PRIM2: variants seen among roughly 807,000 people sequenced by gnomAD.
PRIM2 encodes DNA primase large subunit.
A neutral mutation model predicts 67.3 loss-of-function variants in PRIM2; 39 were observed. That is an observed-to-expected ratio of 0.58 (90% confidence interval 0.45 to 0.76). The LOEUF is 0.76. Among genes scored for constraint, PRIM2 ranks in the 30% least tolerant of loss-of-function variants. PRIM2 has a pLI of 0.00. For missense variants in PRIM2, 398 were observed against 598.7 expected (o/e 0.66, Z 3.50); for synonymous variants, 143 against 198.7 (o/e 0.72, Z 2.36).
chr6:57,444,960 A>G (rs1326471055), intron 7 of PRIM2, among the ~76,000 whole-genome samples: 2 of 151,978 alleles, frequency 1.3e-5, no homozygotes, highest in Non-Finnish European at 2.9e-5. Context: ...GTATCTTTCT[A>G]GCATTAAGAA....
chr6:57,456,705 G>GT (rs1300403343), intron 7 of PRIM2, among the ~76,000 whole-genome samples: 1 of 151,796 alleles, frequency 6.6e-6, no homozygotes, highest in East Asian at 1.9e-4. Flanking sequence ...TTTTTTCAAG[G>GT]TTTTTAACTT....
intron 7 of PRIM2, chr6:57,382,407 A>C (rs1364438285): frequency 5.9e-6 from 2 of 337,934 alleles, no homozygotes; most frequent in Non-Finnish European, 1.1e-5. Flanking sequence ...TGAGTGATTA[A>C]TTTTGTGAGT....
At chr6:57,417,625 A>G (rs1351390059) in intron 7 of PRIM2, among the ~76,000 whole-genome samples, 1 of 152,240 alleles carries the variant, frequency 6.6e-6, no homozygotes, top group Non-Finnish European at 1.5e-5. Context: ...AGCTCATCTT[A>G]TAGGGGCATA....
rs1460725216 is a variant in PRIM2, at chr6:57,606,461, G to A, written c.1230+4G>A. The A allele has an allele frequency of 4.5e-6, 7 of 1,570,482 alleles. No individual in the cohort carries two copies. The highest frequency in any genetic ancestry group is 5.2e-6 in the Non-Finnish European group (6 of 1,147,232). ...CTCTCCTGGAGGGATAAGCCAGGTAGGTCATATTCTTCTCTCTGCATCTGC... is the reference window on the plus strand; with the variant it reads ...CTCTCCTGGAGGGATAAGCCAGGTAAGTCATATTCTTCTCTCTGCATCTGC... On this transcript the variant is annotated splice_donor_region_variant and intron_variant, in intron 12 of 13. Transcript: ENST00000615550.
chr6:57,435,727 A>G (rs757502251), intron 7 of PRIM2, among the ~76,000 whole-genome samples: 9 of 152,142 alleles, frequency 5.9e-5, no homozygotes, highest in Non-Finnish European at 1.3e-4. Flanking sequence ...GAGGCCATCT[A>G]TTGTCAAAGA....
At chr6:57,584,530 A>G (rs1455274422) in intron 10 of PRIM2, among the ~76,000 whole-genome samples, 6 of 152,198 alleles carry the variant, frequency 3.9e-5, no homozygotes, top group African/African-American at 1.4e-4. Context: ...ACCTTGCCCC[A>G]TGGGAAATTT....
intron 3 of PRIM2, among the ~76,000 whole-genome samples, chr6:57,320,926 A>T (rs907629472): frequency 5.3e-5 from 8 of 152,196 alleles, no homozygotes; most frequent in African/African-American, 1.9e-4. Context: ...ATGCTCCAGG[A>T]ACTCCAAAAA....
At chr6:57,474,164 T>A in intron 7 of PRIM2, among the ~76,000 whole-genome samples, 1 of 146,780 alleles carries the variant, frequency 6.8e-6, no homozygotes, top group East Asian at 2.0e-4. Flanking sequence ...TTTTCTGCAA[T>A]TCTGCTATCT....
intron 8 of PRIM2, among the ~76,000 whole-genome samples, chr6:57,507,998 GC>G (rs2127459857): frequency 6.6e-6 from 1 of 152,244 alleles, no homozygotes; most frequent in Admixed American, 6.5e-5. Flanking sequence ...GTGCAGTGGT[GC>G]GATCTCCGCT....
chr6:57,536,421 G>C (rs1388762434), intron 9 of PRIM2, among the ~76,000 whole-genome samples: 6 of 152,206 alleles, frequency 3.9e-5, no homozygotes, highest in Non-Finnish European at 7.3e-5. Flanking sequence ...CTTATGAGAA[G>C]TTTCTCTTAT....
intron 8 of PRIM2, among the ~76,000 whole-genome samples, chr6:57,509,962 A>G (rs1288202679): frequency 6.6e-6 from 1 of 151,634 alleles, no homozygotes; most frequent in Non-Finnish European, 1.5e-5. Context: ...CCACTTTTAT[A>G]ACAACTTTTG....
rs1301372797 is a variant in PRIM2 at position 57,567,948 on chromosome 6, T to C, written c.1020+30323T>C. Among the ~76,000 whole-genome samples, 11 of 152,336 alleles carry C rather than the reference T, an allele frequency of 7.2e-5. No individual in the cohort carries two copies. In the East Asian group the frequency reaches 1.7e-3, roughly 24 times the overall value. On this transcript the variant is annotated intron_variant, in intron 10 of 13. Coordinates refer to ENST00000615550, the MANE Select transcript of PRIM2 (RefSeq NM_000947.5). ...ACATCTTAAAATGTGAACGAAGGTA[T>C]GTATATGCATTTGGTTTGATTTTAA...
the PRIM2 span, among the ~76,000 whole-genome samples, chr6:57,307,335 G>A: frequency 3.3e-5 from 5 of 151,574 alleles, no homozygotes; most frequent in African/African-American, 1.2e-4. Flanking sequence ...CTCACTGCAA[G>A]CTCTGCTTCC....
intron 7 of PRIM2, among the ~76,000 whole-genome samples, chr6:57,462,939 G>A (rs1346043887): frequency 6.6e-6 from 1 of 152,158 alleles, no homozygotes; most frequent in African/African-American, 2.4e-5. Context: ...GACATCCCCT[G>A]CTACGTGCTA....
chr6:57,259,315 G>A, the PRIM2 span, among the ~76,000 whole-genome samples: 1 of 151,846 alleles, frequency 6.6e-6, no homozygotes, highest in Non-Finnish European at 1.5e-5. Context: ...GGCTGGGGTA[G>A]CTCTGCTCTA....
At chr6:57,487,116 A>G (rs2127407922) in intron 7 of PRIM2, among the ~76,000 whole-genome samples, 1 of 152,334 alleles carries the variant, frequency 6.6e-6, no homozygotes, top group African/African-American at 2.4e-5. Flanking sequence ...TTCCCCTAGA[A>G]AGTTACAACA....
At chr6:57,418,305 G>A (rs1444309900) in intron 7 of PRIM2, among the ~76,000 whole-genome samples, 1 of 141,498 alleles carries the variant, frequency 7.1e-6, no homozygotes, top group Non-Finnish European at 1.5e-5. Context: ...TCCTAGAGCC[G>A]AATTAAAAAG....
chr6:57,471,319 AAAG>A (rs1773333068), intron 7 of PRIM2, among the ~76,000 whole-genome samples: 1 of 152,188 alleles, frequency 6.6e-6, no homozygotes, highest in Non-Finnish European at 1.5e-5. Context: ...GAACAATAAA[AAAG>A]GGTGGTTGGT....
chr6:57,417,348 T>C (rs573814335), intron 7 of PRIM2, among the ~76,000 whole-genome samples: 123 of 152,300 alleles, frequency 8.1e-4, no homozygotes, highest in African/African-American at 2.6e-3. Context: ...TTTACGACTT[T>C]GCTCACTGTA....
Sources: allele counts gnomAD v4.1 joint callset (sites outside exome capture counted in the v4.1 genomes callset), GRCh38; gene constraint gnomAD v4.1.1; transcripts MANE v1.5; gene names NCBI Gene and HGNC (gene_info 2026-07-23, HGNC 2026-07-21).